ZSCAN25: variants seen among roughly 807,000 people sequenced by gnomAD.
ZSCAN25 encodes zinc finger and SCAN domain-containing protein 25.
In ZSCAN25, 27 loss-of-function variants were observed where a neutral mutation model predicts 38.7. That is an observed-to-expected ratio of 0.70 (90% CI 0.51 to 0.96). ZSCAN25 has a LOEUF of 0.96. ZSCAN25 is among the 40% of genes least tolerant of loss of function. The pLI is 0.00. For synonymous variants in ZSCAN25, 273 were observed against 277.7 expected, an observed-to-expected ratio of 0.98 and a Z score of 0.17; for missense variants, 637 against 705.9, an observed-to-expected ratio of 0.90 and a Z score of 1.11.
chr7:99,628,087 C>T (rs1236991037), intron 7 of ZSCAN25, among the ~76,000 whole-genome samples: 1 of 151,468 alleles, frequency 6.6e-6, no homozygotes, highest in Admixed American at 6.6e-5. Flanking sequence ...CCCCCATCTC[C>T]ACAAAAAGGA....
At chr7:99,679,269 G>T in the ZSCAN25 span, among the ~76,000 whole-genome samples, 15 of 152,220 alleles carry the variant, frequency 9.9e-5, no homozygotes, top group African/African-American at 3.4e-4. Context: ...AAGAGCCAGG[G>T]GACAGCTTCC....
the ZSCAN25 span, chr7:99,713,680 A>G: frequency 9.3e-7 from 1 of 1,077,670 alleles, no homozygotes. Flanking sequence ...GTCACCAGTG[A>G]AAAGGAATAT....
the ZSCAN25 span, chr7:99,676,248 CT>C: frequency 6.2e-7 from 1 of 1,611,200 alleles, no homozygotes; most frequent in Non-Finnish European, 8.5e-7. Context: ...GGGATTGTGA[CT>C]TTATAGATCA....
chr7:99,664,084 A>G, the ZSCAN25 span: 31 of 1,588,512 alleles, frequency 2.0e-5, no homozygotes, highest in Non-Finnish European at 2.6e-5. Flanking sequence ...GGGGTAAGGA[A>G]TGGAAAGAGT....
chr7:99,726,772 A>G, the ZSCAN25 span, among the ~76,000 whole-genome samples: 3 of 152,300 alleles, frequency 2.0e-5, no homozygotes, highest in Non-Finnish European at 2.9e-5. Context: ...TTTCAACAAG[A>G]TACCCTCCTG....
At position 99,631,904 on chromosome 7, in the gene ZSCAN25, C is replaced by G; in HGVS notation, c.*1884C>G. On this transcript the variant is annotated 3_prime_UTR_variant, in exon 8 of 8. Transcript: ENST00000394152. ...CATGCAAAATCAGCTTTTTTTCCCC[C>G]GTAATTATCAGAGCAGCTAGGCAGG... The G allele has an allele frequency of 1.0e-6, 1 of 985,416 alleles. No individual in the cohort carries two copies. The highest frequency in any genetic ancestry group is 1.2e-6 in the Non-Finnish European group (1 of 829,956). The allele number at this position is 985,416 out of a possible 1,614,324, so 61.0% of individuals were successfully genotyped here. A position where few individuals can be genotyped will look rare whatever the true frequency, so the allele number is the denominator to read the frequency against.
At chr7:99,682,760 A>G in the ZSCAN25 span, among the ~76,000 whole-genome samples, 2 of 152,182 alleles carry the variant, frequency 1.3e-5, no homozygotes, top group East Asian at 1.9e-4. Flanking sequence ...ATATATAAAC[A>G]TGGAATATCC....
At chr7:99,671,562 A>C in the ZSCAN25 span, 1 of 379,132 alleles carries the variant, frequency 2.6e-6, no homozygotes, top group Non-Finnish European at 4.7e-6. Flanking sequence ...CTTGATCTAA[A>C]TCTCATAACT....
chr7:99,663,461 C>T, the ZSCAN25 span: 1 of 989,994 alleles, frequency 1.0e-6, no homozygotes, highest in Non-Finnish European at 1.2e-6. Flanking sequence ...AGCCTTGCAA[C>T]CTCAATTCTC....
the ZSCAN25 span, chr7:99,720,498 G>A: frequency 7.0e-7 from 1 of 1,421,498 alleles, no homozygotes; most frequent in South Asian, 1.2e-5. Context: ...CTTTGATCCG[G>A]ACATTACATA....
At chr7:99,654,105 A>C in the ZSCAN25 span, among the ~76,000 whole-genome samples, 30 of 152,082 alleles carry the variant, frequency 2.0e-4, no homozygotes, top group African/African-American at 6.8e-4. Flanking sequence ...TTATACTTTA[A>C]GTTTTAGGGT....
chr7:99,721,098 C>G, the ZSCAN25 span: 1 of 152,670 alleles, frequency 6.6e-6, no homozygotes. Context: ...TGACAGGGAA[C>G]AGCTGCTGCA....
At position 99,619,963 on chromosome 7, in the gene ZSCAN25, C is replaced by T. The variant is rs761852394; in HGVS notation, c.357C>T (p.Asp119=). ...SGKALAAMVE[D]LTERALEAKA... is the part of the protein sequence containing the mutation. ...AGGCCCTGGCCGCCATGGTGGAGGA[C>T]CTGACAGAAAGAGCACTGGAGGCCA... Residue 119 remains aspartate, a synonymous_variant, in exon 4 of 8, where the codon GAC becomes GAT. Transcript: ENST00000394152. 60 of 1,613,890 alleles carry T rather than the reference C, an allele frequency of 3.7e-5. No homozygotes were observed. In the Middle Eastern group the frequency reaches 4.1e-3, roughly 111 times the overall value.
the ZSCAN25 span, chr7:99,717,026 C>T: frequency 1.1e-5 from 8 of 757,130 alleles, no homozygotes; most frequent in African/African-American, 1.4e-4. Flanking sequence ...TCGGAGCTGC[C>T]CCATCTTGGG....
the ZSCAN25 span, among the ~76,000 whole-genome samples, chr7:99,641,676 A>T: frequency 6.6e-6 from 1 of 152,032 alleles, no homozygotes; most frequent in South Asian, 2.1e-4. Flanking sequence ...TAATGAATGG[A>T]CCCTCTAATG....
chr7:99,623,996 T>C, intron 6 of ZSCAN25, 61 bp from the exon 7 acceptor site: 1 of 1,610,378 alleles, frequency 6.2e-7, no homozygotes, highest in Non-Finnish European at 8.5e-7. Context: ...ATTACAGACA[T>C]GAGCCACTGT....
chr7:99,687,287 G>A, the ZSCAN25 span, among the ~76,000 whole-genome samples: 1 of 152,278 alleles, frequency 6.6e-6, no homozygotes, highest in African/African-American at 2.4e-5. Context: ...AAAATTAGAT[G>A]AATGGATAAC....
the ZSCAN25 span, chr7:99,705,471 A>G: frequency 0.13 from 214,451 of 1,610,636 alleles, 27,059 homozygotes; most frequent in African/African-American, 0.6. Context: ...CAGCTTTCTT[A>G]AAGAGCAAAC....
Position 99,630,181 on chromosome 7 carries a change from C to A in ZSCAN25, c.*161C>A. On this transcript the variant is annotated 3_prime_UTR_variant, in exon 8 of 8. Coordinates refer to ENST00000394152, the MANE Select transcript of ZSCAN25 (RefSeq NM_145115.3). ...TGGCTTACTTAGAGCTTCCAGAGAG[C>A]ATAGCTGCTTCCATCTCTTACCCAA... 4 of 1,405,346 alleles carry A rather than the reference C, an allele frequency of 2.8e-6. No individual in the cohort carries two copies. Among genetic ancestry groups the A allele is most frequent in the Non-Finnish European group, 3.7e-6 (4 of 1,085,458 alleles). 87.1% of individuals were successfully genotyped at this position (1,405,346 alleles called of 1,614,324 possible). A position where few individuals can be genotyped will look rare whatever the true frequency, so the allele number is the denominator to read the frequency against.
Sources: gnomAD v4.1 joint callset for allele counts (sites outside exome capture counted in the v4.1 genomes callset) on GRCh38, gnomAD v4.1.1 for gene constraint, MANE v1.5 for transcripts, NCBI Gene and HGNC (gene_info 2026-07-23, HGNC 2026-07-21) for gene names.